Variants in ARHGEF28 observed in about 807,000 individuals in gnomAD.
The protein encoded by ARHGEF28 is Rho guanine nucleotide exchange factor 28, also known as 190 kDa guanine nucleotide exchange factor.
In ARHGEF28, 152 loss-of-function variants were observed where a neutral mutation model predicts 206.6. The observed-to-expected ratio is 0.74, with a 90% confidence interval of 0.64 to 0.84. The LOEUF is 0.84. ARHGEF28 is among the 40% of genes least tolerant of loss of function. The pLI, the probability that ARHGEF28 is intolerant of heterozygous loss-of-function variation, is 0.00. For synonymous variants in ARHGEF28, 763 were observed against 776.4 expected (o/e 0.98, Z 0.29); for missense variants, 2,028 against 2,073.2 (o/e 0.98, Z 0.42).
chr5:73,780,459 G>A (rs990645334), intron 6 of ARHGEF28: 3 of 544,984 alleles, frequency 5.5e-6, no homozygotes, highest in Admixed American at 6.2e-5. Flanking sequence ...ATTAGTGGCA[G>A]GGACTTTGGC....
At chr5:73,686,401 A>G (rs1026210785) in intron 2 of ARHGEF28, among the ~76,000 whole-genome samples, 3 of 152,160 alleles carry the variant, frequency 2.0e-5, no homozygotes, top group Non-Finnish European at 4.4e-5. Context: ...TTTTGACCAT[A>G]GACTTACTAG....
intron 1 of ARHGEF28, among the ~76,000 whole-genome samples, chr5:73,675,732 C>CAAAAAAAA (rs35836692): frequency 2.5e-3 from 120 of 48,778 alleles, no homozygotes; most frequent in Non-Finnish European, 3.4e-3. Context: ...GACTCTGTCT[C>CAAAAAAAA]AAAAAAAAAA....
chr5:73,867,243 A>G (rs140797189), intron 18 of ARHGEF28, among the ~76,000 whole-genome samples: 2 of 152,324 alleles, frequency 1.3e-5, no homozygotes, highest in East Asian at 3.9e-4. Context: ...CACAGCTATA[A>G]TATGGGACCG....
chr5:73,872,515 GAC>G (rs1249721159), intron 21 of ARHGEF28, among the ~76,000 whole-genome samples: 3 of 152,150 alleles, frequency 2.0e-5, no homozygotes, highest in African/African-American at 7.2e-5. Flanking sequence ...GAATTTTGGA[GAC>G]AGATTCTGCC....
chr5:73,849,762 G>C (rs2931442), intron 13 of ARHGEF28, among the ~76,000 whole-genome samples: 70,190 of 151,630 alleles, frequency 0.46, 16,822 homozygotes, highest in African/African-American at 0.58. Context: ...TCCTCTCTAA[G>C]CCACTCCTCC....
At chr5:73,658,962 TACACACACACACACAC>T (rs55877309) in intron 1 of ARHGEF28, among the ~76,000 whole-genome samples, 5 of 124,742 alleles carry the variant, frequency 4.0e-5, no homozygotes, top group Admixed American at 8.5e-5. Context: ...TGCATGCAGG[TACACACACACACACAC>T]ACACACACAC....
At chr5:73,771,572 C>T (rs1252158502) in intron 4 of ARHGEF28, among the ~76,000 whole-genome samples, 19 of 151,634 alleles carry the variant, frequency 1.3e-4, no homozygotes, top group Non-Finnish European at 1.5e-5. Flanking sequence ...AGAGAAATTC[C>T]ATCTTAGTAT....
chr5:73,665,061 T>C (rs1462335887), intron 1 of ARHGEF28, among the ~76,000 whole-genome samples: 3 of 152,164 alleles, frequency 2.0e-5, no homozygotes, highest in Non-Finnish European at 4.4e-5. Flanking sequence ...CTGTATGACA[T>C]TGCTTTCACT....
At chr5:73,822,033 G>A (rs1375318769) in intron 9 of ARHGEF28, among the ~76,000 whole-genome samples, 2 of 152,104 alleles carry the variant, frequency 1.3e-5, no homozygotes, top group Admixed American at 1.3e-4. Flanking sequence ...TATTATAAGG[G>A]AAAAGGCTTG....
intron 1 of ARHGEF28, among the ~76,000 whole-genome samples, chr5:73,658,701 G>A (rs1745387103): frequency 1.3e-5 from 2 of 152,126 alleles, no homozygotes; most frequent in African/African-American, 4.8e-5. Context: ...AACTGAATTG[G>A]CAGAACATAA....
chr5:73,894,318 C>T (rs904664446), intron 28 of ARHGEF28, 75 bp from the exon 29 acceptor site: 2 of 1,415,652 alleles, frequency 1.4e-6, no homozygotes, highest in Non-Finnish European at 1.9e-6. Flanking sequence ...TTAGCAACAT[C>T]TTTTTCGTGG....
intron 9 of ARHGEF28, among the ~76,000 whole-genome samples, chr5:73,807,444 G>T (rs1755578511): frequency 6.6e-6 from 1 of 151,022 alleles, no homozygotes; most frequent in East Asian, 1.9e-4. Flanking sequence ...GAACATATCT[G>T]TAGCAATATT....
intron 5 of ARHGEF28, among the ~76,000 whole-genome samples, chr5:73,776,078 C>G (rs1195694777): frequency 6.6e-6 from 1 of 152,190 alleles, no homozygotes; most frequent in Non-Finnish European, 1.5e-5. Flanking sequence ...TTATGACATC[C>G]AAACCTCACC....
rs570816824 is a variant in ARHGEF28, at chr5:73,832,397, C to T, written c.1084C>T (p.Arg362Trp). ...KPPSTLLAAGRLSDMLNGGDE... is the reference protein window; with the variant it reads ...KPPSTLLAAGWLSDMLNGGDE... ...GCCCTCGACATTGCTTGCTGCAGGC[C>T]GGCTTTCAGACATGCTGAATGGAGG... is the stretch of plus-strand genomic sequence containing the variant. The change falls in exon 10 of 36, where the codon CGG (arginine) becomes TGG (tryptophan). Residue 362 changes from arginine (R) to tryptophan (W), a missense_variant. Around this residue, in one of 3 missense-constraint regions of ARHGEF28, gnomAD observed 1,002 missense variants for 1,015.3 expected, o/e 0.99. Transcript: ENST00000513042. 73 of 1,612,428 alleles carry T rather than the reference C, an allele frequency of 4.5e-5. No homozygotes were observed. The East Asian group carries it at 1.1e-3, about 25-fold the overall frequency.
rs1744555754 is a variant in ARHGEF28 at position 73,648,114 on chromosome 5, A to G, written c.-12+21792A>G. Among the ~76,000 whole-genome samples, 4 of 152,170 alleles carry G rather than the reference A, an allele frequency of 2.6e-5. No homozygotes were observed. The South Asian group carries it at 8.3e-4, about 32-fold the overall frequency. ...AAAGCAAGTATATAAAAAAGTTCTA[A>G]TATTATTCTTGGGGGGATGGATTTA... On this transcript the variant is annotated intron_variant, in intron 1 of 35. Transcript: ENST00000513042.
intron 2 of ARHGEF28, among the ~76,000 whole-genome samples, chr5:73,695,762 C>T (rs1748172506): frequency 1.3e-5 from 2 of 152,172 alleles, no homozygotes; most frequent in Admixed American, 6.5e-5. Context: ...TGGATTATTG[C>T]CCCTGGCCTC....
chr5:73,725,654 G>C (rs1470610686), intron 2 of ARHGEF28, among the ~76,000 whole-genome samples: 1 of 152,098 alleles, frequency 6.6e-6, no homozygotes, highest in Admixed American at 6.6e-5. Context: ...TTCAAGTGAG[G>C]TCTCTGTTTT....
At chr5:73,635,325 C>A (rs988244983) in intron 1 of ARHGEF28, among the ~76,000 whole-genome samples, 48 of 151,896 alleles carry the variant, frequency 3.2e-4, no homozygotes, top group African/African-American at 1.1e-3. Context: ...GCCTGGGCAA[C>A]AATAGTGAAA....
chr5:73,937,588 C>T (rs925513121), intron 35 of ARHGEF28, among the ~76,000 whole-genome samples: 3 of 152,042 alleles, frequency 2.0e-5, no homozygotes, highest in African/African-American at 2.4e-5. Flanking sequence ...TAATAATATT[C>T]GTTTTTAGTT....
Sources: allele counts gnomAD v4.1 joint callset (sites outside exome capture counted in the v4.1 genomes callset), GRCh38; gene constraint gnomAD v4.1.1; regional missense constraint gnomAD v4.1.1; transcripts MANE v1.5; gene names NCBI Gene and HGNC (gene_info 2026-07-23, HGNC 2026-07-21).